Variants in CTNNA2 observed in about 807,000 individuals in gnomAD.
The protein encoded by CTNNA2 is catenin alpha 2, also known as catenin alpha-2.
CTNNA2 carries 42 observed loss-of-function variants against 101.0 expected under a neutral mutation model. The observed-to-expected ratio is 0.42, with a 90% CI of 0.32 to 0.54. CTNNA2 has a LOEUF of 0.54. CTNNA2 is among the 20% of genes least tolerant of loss of function. The pLI, the probability that CTNNA2 is intolerant of heterozygous loss-of-function variation, is 0.14. For synonymous variants in CTNNA2, 450 were observed against 456.4 expected (o/e 0.99, Z 0.18); for missense variants, 871 against 1,223.1 (o/e 0.71, Z 4.29).
chr2:80,485,383 G>A (rs1166852969), intron 9 of CTNNA2, among the ~76,000 whole-genome samples: 2 of 152,014 alleles, frequency 1.3e-5, no homozygotes, highest in Non-Finnish European at 2.9e-5. Context: ...GGGTTTCTCC[G>A]AACCTCTCTG....
chr2:80,254,418 T>C (rs995115615), intron 7 of CTNNA2, among the ~76,000 whole-genome samples: 1 of 152,128 alleles, frequency 6.6e-6, no homozygotes, highest in Non-Finnish European at 1.5e-5. Context: ...AGGAAAAGTA[T>C]TTGAAACAGA....
At chr2:80,371,470 A>G (rs1675432870) in intron 7 of CTNNA2, among the ~76,000 whole-genome samples, 1 of 152,076 alleles carries the variant, frequency 6.6e-6, no homozygotes, top group Admixed American at 6.6e-5. Context: ...GATGACAGGA[A>G]CCATGGTAGA....
At chr2:79,483,726 G>A (rs555817194) in intron 4 of CTNNA2, among the ~76,000 whole-genome samples, 6 of 152,244 alleles carry the variant, frequency 3.9e-5, no homozygotes, top group East Asian at 3.9e-4. Context: ...AGGTTGCTGC[G>A]AATGCTATTA....
chr2:79,202,202 G>A (rs1674044475), intron 2 of CTNNA2, among the ~76,000 whole-genome samples: 1 of 152,108 alleles, frequency 6.6e-6, no homozygotes, highest in Non-Finnish European at 1.5e-5. Flanking sequence ...ATGGGAAGCA[G>A]GTTTACCTTA....
At chr2:79,398,505 G>A (rs1250300731) in intron 4 of CTNNA2, among the ~76,000 whole-genome samples, 1 of 151,970 alleles carries the variant, frequency 6.6e-6, no homozygotes, top group Non-Finnish European at 1.5e-5. Context: ...CAAATTTTTA[G>A]CTACTTTTGA....
At chr2:80,212,259 A>G (rs1443945883) in intron 7 of CTNNA2, among the ~76,000 whole-genome samples, 2 of 152,180 alleles carry the variant, frequency 1.3e-5, no homozygotes, top group East Asian at 1.9e-4. Flanking sequence ...ATTATGTTGA[A>G]TAGAAGTGGT....
At chr2:80,378,201 G>A (rs1899904) in intron 7 of CTNNA2, among the ~76,000 whole-genome samples, 59,420 of 151,342 alleles carry the variant, frequency 0.39, 14,421 homozygotes, top group African/African-American at 0.69. Flanking sequence ...CACTAAACAT[G>A]CAAAAAATTA....
intron 7 of CTNNA2, among the ~76,000 whole-genome samples, chr2:80,061,933 GC>G (rs1697626274): frequency 1.3e-5 from 2 of 152,086 alleles, no homozygotes; most frequent in African/African-American, 4.8e-5. Flanking sequence ...TGAAAGTAAA[GC>G]AAAAAAATGT....
At chr2:80,224,184 A>G (rs567838116) in intron 7 of CTNNA2, among the ~76,000 whole-genome samples, 4 of 152,312 alleles carry the variant, frequency 2.6e-5, no homozygotes, top group East Asian at 1.9e-4. Flanking sequence ...GACACTCTCA[A>G]CTGCCAGCTA....
intron 2 of CTNNA2, among the ~76,000 whole-genome samples, chr2:79,720,305 A>G (rs1215108345): frequency 3.3e-5 from 5 of 152,138 alleles, no homozygotes; most frequent in African/African-American, 7.2e-5. Context: ...GCCTTATAGT[A>G]TAGTTTGAAG....
intron 7 of CTNNA2, among the ~76,000 whole-genome samples, chr2:80,025,493 GA>G (rs1472746680): frequency 1.3e-5 from 2 of 152,216 alleles, no homozygotes; most frequent in African/African-American, 4.8e-5. Flanking sequence ...GACATCTCAG[GA>G]AAAGGGAGCA....
intron 7 of CTNNA2, among the ~76,000 whole-genome samples, chr2:80,050,691 T>C (rs1696819417): frequency 6.6e-6 from 1 of 152,062 alleles, no homozygotes; most frequent in Non-Finnish European, 1.5e-5. Flanking sequence ...GAGAACATTG[T>C]TATTTGTTTA....
chr2:79,807,363 C>A (rs1676658814), intron 3 of CTNNA2, among the ~76,000 whole-genome samples: 1 of 152,080 alleles, frequency 6.6e-6, no homozygotes, highest in African/African-American at 2.4e-5. Context: ...GGGTTAAAAT[C>A]AAGCATATGG....
chr2:80,549,766 C>T (rs60556505), intron 11 of CTNNA2, among the ~76,000 whole-genome samples: 2,924 of 152,268 alleles, frequency 0.019, 94 homozygotes, highest in African/African-American at 0.067. Context: ...CGCCCCTTCT[C>T]AATGGGCATG....
intron 13 of CTNNA2, among the ~76,000 whole-genome samples, chr2:80,575,983 C>T (rs988760229): frequency 1.3e-5 from 2 of 152,106 alleles, no homozygotes; most frequent in African/African-American, 4.8e-5. Flanking sequence ...CTTCATTTTG[C>T]ACTTAAATAA....
At chr2:79,895,989 A>C (rs902948015) in intron 6 of CTNNA2, among the ~76,000 whole-genome samples, 1 of 152,076 alleles carries the variant, frequency 6.6e-6, no homozygotes, top group Admixed American at 6.6e-5. Context: ...CTGCCCATTG[A>C]AAGTAGAATT....
chr2:80,187,842 C>T (rs1706231163), intron 7 of CTNNA2, among the ~76,000 whole-genome samples: 2 of 151,364 alleles, frequency 1.3e-5, no homozygotes, highest in Admixed American at 1.3e-4. Context: ...ATGCTTTTTT[C>T]TATCCCTCAT....
chr2:80,331,537 C>T (rs1671331825), intron 7 of CTNNA2, among the ~76,000 whole-genome samples: 1 of 152,274 alleles, frequency 6.6e-6, no homozygotes, highest in Non-Finnish European at 1.5e-5. Flanking sequence ...GTTGTCTTTA[C>T]AAGTGTTCTC....
chr2:80,267,835 G>A (rs1388789977), intron 7 of CTNNA2, among the ~76,000 whole-genome samples: 3 of 152,200 alleles, frequency 2.0e-5, no homozygotes, highest in African/African-American at 7.2e-5. Flanking sequence ...GAGAGTCTAA[G>A]GGGAGTAGGA....
Sources: gnomAD v4.1 joint callset for allele counts (sites outside exome capture counted in the v4.1 genomes callset) on GRCh38, gnomAD v4.1.1 for gene constraint, MANE v1.5 for transcripts, NCBI Gene and HGNC (gene_info 2026-07-23, HGNC 2026-07-21) for gene names.